RBFOX1: variants seen among roughly 807,000 people sequenced by gnomAD.
The protein encoded by RBFOX1 is RNA binding fox-1 homolog 1.
In RBFOX1, 8 loss-of-function variants were observed where a neutral mutation model predicts 57.7. The ratio of observed to expected loss-of-function variants is 0.14; its 90% CI spans 0.08 to 0.25. The LOEUF (loss-of-function observed/expected upper bound fraction) is 0.25, where lower values mean the gene tolerates loss of function less well. Ranked by LOEUF, RBFOX1 falls within the 10% of genes least tolerant of loss-of-function variation. The pLI is 1.00. For missense variants in RBFOX1, 611 were observed against 548.5 expected, an observed-to-expected ratio of 1.11 and a Z score of -1.14; for synonymous variants, 326 against 222.4, an observed-to-expected ratio of 1.47 and a Z score of -4.15.
intron 3 of RBFOX1, among the ~76,000 whole-genome samples, chr16:6,740,302 A>G (rs1397687793): frequency 6.6e-6 from 1 of 152,214 alleles, no homozygotes; most frequent in African/African-American, 2.4e-5. Context: ...TACATCTAAT[A>G]TTGTGTATAA....
chr16:7,475,683 T>C (rs981158165), intron 4 of RBFOX1, among the ~76,000 whole-genome samples: 2 of 152,192 alleles, frequency 1.3e-5, no homozygotes, highest in African/African-American at 4.8e-5. Flanking sequence ...GTTATAACTC[T>C]GGGTTTGCTG....
chr16:6,069,917 G>T (rs112977477), intron 1 of RBFOX1, among the ~76,000 whole-genome samples: 8,458 of 152,056 alleles, frequency 0.056, 741 homozygotes, highest in African/African-American at 0.19. Context: ...AACCCAGGAG[G>T]CAGAAATTGC....
intron 3 of RBFOX1, among the ~76,000 whole-genome samples, chr16:6,872,359 C>G (rs1016191145): frequency 2.0e-5 from 3 of 152,138 alleles, no homozygotes; most frequent in East Asian, 1.9e-4. Context: ...CTCTTTTTCT[C>G]TTTCTCGTAG....
chr16:5,316,003 C>G (rs956964461), intron 1 of RBFOX1, among the ~76,000 whole-genome samples: 2 of 152,128 alleles, frequency 1.3e-5, no homozygotes, highest in Non-Finnish European at 2.9e-5. Context: ...CAGTAGGTCT[C>G]CTCCCACTAC....
chr16:6,295,909 C>G (rs190975578), intron 1 of RBFOX1, among the ~76,000 whole-genome samples: 1 of 152,316 alleles, frequency 6.6e-6, no homozygotes, highest in Admixed American at 6.5e-5. Context: ...GGGCCACAAA[C>G]TAATCCAGCA....
At chr16:5,663,232 A>G (rs1299247475) in intron 3 of RBFOX1, among the ~76,000 whole-genome samples, 1 of 152,196 alleles carries the variant, frequency 6.6e-6, no homozygotes, top group Non-Finnish European at 1.5e-5. Flanking sequence ...TATTTTCAAG[A>G]CAGAATCTTG....
chr16:7,632,392 G>A, intron 11 of RBFOX1, among the ~76,000 whole-genome samples: 1 of 152,136 alleles, frequency 6.6e-6, no homozygotes, highest in East Asian at 1.9e-4. Flanking sequence ...TCCTGAAATT[G>A]TAATGTTACT....
intron 4 of RBFOX1, among the ~76,000 whole-genome samples, chr16:7,278,865 T>G (rs942233822): frequency 1.3e-5 from 2 of 152,182 alleles, no homozygotes; most frequent in Non-Finnish European, 2.9e-5. Flanking sequence ...GTTCTCAGCC[T>G]AAATTTATCT....
chr16:7,569,740 A>C (rs918772790), intron 5 of RBFOX1, among the ~76,000 whole-genome samples: 5 of 152,164 alleles, frequency 3.3e-5, no homozygotes, highest in Non-Finnish European at 7.4e-5. Context: ...GTGGTGGCTC[A>C]TGCCTGTAAT....
At chr16:6,310,582 C>T (rs572479802) in intron 1 of RBFOX1, among the ~76,000 whole-genome samples, 2 of 152,128 alleles carry the variant, frequency 1.3e-5, no homozygotes, top group South Asian at 4.1e-4. Context: ...ACTGAAGCTC[C>T]AAGCGGTCAA....
At chr16:5,928,639 T>C (rs2058984400) in intron 4 of RBFOX1, among the ~76,000 whole-genome samples, 1 of 151,698 alleles carries the variant, frequency 6.6e-6, no homozygotes, top group Admixed American at 6.6e-5. Context: ...CCCTGTAACT[T>C]TACACCAGAG....
chr16:6,950,942 G>C (rs1376684056), intron 3 of RBFOX1, among the ~76,000 whole-genome samples: 5 of 149,674 alleles, frequency 3.3e-5, no homozygotes, highest in African/African-American at 1.2e-4. Flanking sequence ...ATCTTGCTCT[G>C]TTTCTCAGGC....
intron 2 of RBFOX1, among the ~76,000 whole-genome samples, chr16:6,337,661 C>A (rs544028086): frequency 6.6e-6 from 1 of 152,294 alleles, no homozygotes; most frequent in East Asian, 1.9e-4. Context: ...TCTGTTTTCT[C>A]TCTAATTGAT....
At chr16:7,620,231 C>G (rs754409088) in intron 10 of RBFOX1, among the ~76,000 whole-genome samples, 1 of 152,214 alleles carries the variant, frequency 6.6e-6, no homozygotes, top group Non-Finnish European at 1.5e-5. Flanking sequence ...CAAACACTTT[C>G]ATGCCATAGT....
intron 3 of RBFOX1, among the ~76,000 whole-genome samples, chr16:5,788,315 G>A (rs917281230): frequency 2.0e-5 from 3 of 152,134 alleles, no homozygotes; most frequent in African/African-American, 4.8e-5. Flanking sequence ...GACATTTAGC[G>A]CAACAAAAGC....
chr16:7,303,554 T>A (rs1320314794), intron 4 of RBFOX1, among the ~76,000 whole-genome samples: 2 of 151,954 alleles, frequency 1.3e-5, no homozygotes, highest in African/African-American at 4.8e-5. Flanking sequence ...TTTTGGTGAG[T>A]GTTTTTTTGA....
At chr16:5,750,482 A>C (rs1477492191) in intron 3 of RBFOX1, among the ~76,000 whole-genome samples, 2 of 152,230 alleles carry the variant, frequency 1.3e-5, no homozygotes, top group Admixed American at 1.3e-4. Flanking sequence ...CTACAGAGGC[A>C]GGCAGGCCTC....
intron 1 of RBFOX1, among the ~76,000 whole-genome samples, chr16:6,117,610 A>G (rs1460374271): frequency 6.6e-6 from 1 of 152,254 alleles, no homozygotes; most frequent in Non-Finnish European, 1.5e-5. Flanking sequence ...AAGACACAGC[A>G]TTCCTCTCCT....
At chr16:6,029,935 CAGAG>C (rs982483445) in intron 1 of RBFOX1, among the ~76,000 whole-genome samples, 31 of 152,150 alleles carry the variant, frequency 2.0e-4, no homozygotes, top group African/African-American at 7.2e-4. Flanking sequence ...TTTTTTGAGA[CAGAG>C]AGTCTCATTT....
Sources: gnomAD v4.1 joint callset for allele counts (sites outside exome capture counted in the v4.1 genomes callset) on GRCh38, gnomAD v4.1.1 for gene constraint, MANE v1.5 for transcripts, NCBI Gene and HGNC (gene_info 2026-07-23, HGNC 2026-07-21) for gene names.